PDE11A: variants seen among roughly 807,000 people sequenced by gnomAD.
The protein encoded by PDE11A is dual 3',5'-cyclic-AMP and -GMP phosphodiesterase 11A.
In PDE11A, 100 loss-of-function variants were observed where a neutral mutation model predicts 100.5. The ratio of observed to expected loss-of-function variants is 1.00; its 90% CI spans 0.85 to 1.18. The LOEUF is 1.18. Ranked by LOEUF, PDE11A falls within the 50% of genes most tolerant of loss-of-function variation. The probability of loss-of-function intolerance (pLI) is 0.00; values close to 1 mark genes in which losing one functional copy is unlikely to be tolerated. For synonymous variants in PDE11A, 381 were observed against 420.8 expected (o/e 0.91, Z 1.16); for missense variants, 1,141 against 1,152.6 (o/e 0.99, Z 0.15).
chr2:178,063,178 T>C (rs537868293), intron 1 of PDE11A, among the ~76,000 whole-genome samples: 3 of 152,318 alleles, frequency 2.0e-5, no homozygotes, highest in East Asian at 1.9e-4. Flanking sequence ...TGTTGATCAA[T>C]TGTAACAAGA....
At chr2:177,890,490 T>G (rs139581480) in intron 4 of PDE11A, among the ~76,000 whole-genome samples, 22 of 152,358 alleles carry the variant, frequency 1.4e-4, no homozygotes, top group African/African-American at 5.3e-4. Context: ...ATTAAATACT[T>G]CATCTTATCT....
chr2:178,032,914 T>C (rs2086567348), intron 1 of PDE11A, among the ~76,000 whole-genome samples: 1 of 151,974 alleles, frequency 6.6e-6, no homozygotes, highest in Non-Finnish European at 1.5e-5. Flanking sequence ...AGATCAAAGG[T>C]AGATAAATCC....
chr2:177,684,496 C>T (rs996528806), intron 15 of PDE11A, among the ~76,000 whole-genome samples: 3 of 152,184 alleles, frequency 2.0e-5, no homozygotes, highest in Non-Finnish European at 4.4e-5. Flanking sequence ...GAACCACTCA[C>T]CTCACTTGCT....
chr2:177,991,999 A>G (rs1350200528), intron 2 of PDE11A, among the ~76,000 whole-genome samples: 1 of 151,334 alleles, frequency 6.6e-6, no homozygotes, highest in East Asian at 1.9e-4. Flanking sequence ...CTCATTTATA[A>G]TAATGCTTTG....
intron 12 of PDE11A, among the ~76,000 whole-genome samples, chr2:177,721,725 A>G (rs2081531120): frequency 6.6e-6 from 1 of 152,114 alleles, no homozygotes; most frequent in African/African-American, 2.4e-5. Flanking sequence ...AATATAACAT[A>G]TGGTTTATGA....
chr2:177,913,421 A>C (rs1211865108), intron 2 of PDE11A, among the ~76,000 whole-genome samples: 1 of 152,184 alleles, frequency 6.6e-6, no homozygotes, highest in Non-Finnish European at 1.5e-5. Flanking sequence ...CCTTTAAAAT[A>C]ATCCTTAACA....
intron 2 of PDE11A, among the ~76,000 whole-genome samples, chr2:178,005,435 C>T (rs1270743575): frequency 2.0e-5 from 3 of 152,062 alleles, no homozygotes; most frequent in Non-Finnish European, 4.4e-5. Context: ...ACTGCTTGAG[C>T]CCAAGAATTC....
chr2:177,686,379 C>T (rs1250856511), intron 15 of PDE11A, among the ~76,000 whole-genome samples: 1 of 152,130 alleles, frequency 6.6e-6, no homozygotes, highest in African/African-American at 2.4e-5. Flanking sequence ...CCAGCCTTAG[C>T]AACAAAGTGG....
intron 1 of PDE11A, among the ~76,000 whole-genome samples, chr2:178,041,245 ATTT>A (rs1424410830): frequency 7.2e-6 from 1 of 139,136 alleles, no homozygotes; most frequent in Non-Finnish European, 1.6e-5. Flanking sequence ...AAGCTCAGAA[ATTT>A]TTTTTTTTTT....
intron 9 of PDE11A, among the ~76,000 whole-genome samples, chr2:177,789,110 C>T (rs995735935): frequency 6.6e-6 from 1 of 152,312 alleles, no homozygotes; most frequent in Admixed American, 6.5e-5. Flanking sequence ...GACCAATATG[C>T]TTGATGAACA....
At chr2:177,992,538 T>C (rs1238065002) in intron 2 of PDE11A, among the ~76,000 whole-genome samples, 2 of 152,206 alleles carry the variant, frequency 1.3e-5, no homozygotes, top group African/African-American at 4.8e-5. Flanking sequence ...TCCACTAATG[T>C]TTCTATGTCT....
intron 1 of PDE11A, among the ~76,000 whole-genome samples, chr2:178,023,669 G>C (rs1323596095): frequency 6.6e-6 from 1 of 152,166 alleles, no homozygotes. Flanking sequence ...TCAAGTCTAA[G>C]AGTGTCCACA....
At chr2:177,953,664 T>A (rs2085529354) in intron 2 of PDE11A, among the ~76,000 whole-genome samples, 1 of 152,130 alleles carries the variant, frequency 6.6e-6, no homozygotes, top group Non-Finnish European at 1.5e-5. Context: ...CATTCCCTAT[T>A]TCCCATCTCC....
chr2:177,623,655 A>AG lies in PDE11A; in HGVS notation c.*5751_*5752insC, dbSNP rs2105420092. On this transcript the variant is annotated 3_prime_UTR_variant, in exon 20 of 20. Coordinates refer to ENST00000286063, the MANE Select transcript of PDE11A (RefSeq NM_016953.4). ...AAGAAAAATTGAGATTCGAATACAC[A>AG]CGCATATACACACAGAAAATGAACA... 6.6e-6 allele frequency: 1 copy of AG among 152,364 alleles called. No homozygotes were observed. Among genetic ancestry groups the AG allele is most frequent in the Admixed American group, 6.5e-5 (1 of 15,310 alleles). The allele number at this position is 152,364 out of a possible 1,614,324, so 9.4% of individuals were successfully genotyped here. A position where few individuals can be genotyped will look rare whatever the true frequency, so the allele number is the denominator to read the frequency against.
chr2:177,659,265 G>C (rs573644381), intron 19 of PDE11A, among the ~76,000 whole-genome samples: 1 of 45,106 alleles, frequency 2.2e-5, no homozygotes, highest in East Asian at 6.7e-4. Context: ...CTATCTCAGG[G>C]GGAAAAAAAA....
chr2:177,750,910 A>C (rs1257739460), intron 10 of PDE11A, among the ~76,000 whole-genome samples: 1 of 152,200 alleles, frequency 6.6e-6, no homozygotes, highest in Non-Finnish European at 1.5e-5. Context: ...GCTCTATTAC[A>C]GAATCGCCTG....
chr2:178,090,446 T>C (rs143225137), intron 2 of PDE11A, among the ~76,000 whole-genome samples: 206 of 152,300 alleles, frequency 1.4e-3, no homozygotes, highest in African/African-American at 4.5e-3. Context: ...AATGGAAATC[T>C]ACTTAATATT....
At chr2:178,066,653 A>G (rs1455124070) in intron 1 of PDE11A, among the ~76,000 whole-genome samples, 1 of 152,028 alleles carries the variant, frequency 6.6e-6, no homozygotes, top group Non-Finnish European at 1.5e-5. Flanking sequence ...CTGCTCTTAG[A>G]TGGGGTCTAG....
chr2:177,679,885 C>T (rs1316423236), intron 16 of PDE11A, among the ~76,000 whole-genome samples: 1 of 151,494 alleles, frequency 6.6e-6, no homozygotes, highest in African/African-American at 2.4e-5. Flanking sequence ...AGGGGCTGGT[C>T]TTGAAGATGA....
Sources: gnomAD v4.1 joint callset for allele counts (sites outside exome capture counted in the v4.1 genomes callset) on GRCh38, gnomAD v4.1.1 for gene constraint, MANE v1.5 for transcripts, NCBI Gene and HGNC (gene_info 2026-07-23, HGNC 2026-07-21) for gene names.